MSRA: variants seen among roughly 807,000 people sequenced by gnomAD.
MSRA encodes methionine sulfoxide reductase A.
Under a neutral mutation model 31.3 loss-of-function variants are expected in MSRA, and 54 were observed. The ratio of observed to expected loss-of-function variants is 1.73; its 90% confidence interval spans 1.39 to 2.17. MSRA has a LOEUF of 2.17. Ranked by LOEUF, MSRA falls within the 30% of genes most tolerant of loss-of-function variation. The probability of loss-of-function intolerance (pLI) is 0.00; values close to 1 mark genes in which losing one functional copy is unlikely to be tolerated. For synonymous variants in MSRA, 169 were observed against 116.5 expected (o/e 1.45, Z -2.90); for missense variants, 507 against 300.9 (o/e 1.69, Z -5.07).
chr8:10,252,708 C>T (rs762442568), intron 3 of MSRA, among the ~76,000 whole-genome samples: 2 of 152,174 alleles, frequency 1.3e-5, no homozygotes, highest in African/African-American at 2.4e-5. Flanking sequence ...TTGATTTGTC[C>T]ACGAAGCATG....
intron 2 of MSRA, among the ~76,000 whole-genome samples, chr8:10,217,572 T>G (rs1444191444): frequency 2.0e-5 from 3 of 152,220 alleles, no homozygotes; most frequent in Non-Finnish European, 4.4e-5. Flanking sequence ...CAGAGCTTAG[T>G]ATAATGAAGC....
intron 5 of MSRA, among the ~76,000 whole-genome samples, chr8:10,362,894 CT>C (rs766198564): frequency 3.9e-4 from 59 of 152,184 alleles, no homozygotes; most frequent in Non-Finnish European, 6.8e-4. Context: ...GTTCCTGCCC[CT>C]GCCTCCCTCC....
chr8:10,188,587 G>A (rs1807249508), intron 1 of MSRA, among the ~76,000 whole-genome samples: 2 of 152,190 alleles, frequency 1.3e-5, no homozygotes. Context: ...GTCGTATAAG[G>A]TTTGACGTAA....
intron 1 of MSRA, among the ~76,000 whole-genome samples, chr8:10,125,380 C>G (rs1313651766): frequency 1.3e-5 from 2 of 152,124 alleles, no homozygotes; most frequent in Admixed American, 6.5e-5. Flanking sequence ...AGGCTTGACC[C>G]AAGCCTGGAA....
intron 2 of MSRA, among the ~76,000 whole-genome samples, chr8:10,215,500 G>A (rs1011138678): frequency 2.6e-5 from 4 of 152,192 alleles, no homozygotes; most frequent in African/African-American, 7.2e-5. Context: ...TCAAGTCCCC[G>A]GGAGAGTGAC....
intron 1 of MSRA, among the ~76,000 whole-genome samples, chr8:10,113,849 C>G (rs1014315547): frequency 6.6e-6 from 1 of 151,954 alleles, no homozygotes; most frequent in African/African-American, 2.4e-5. Flanking sequence ...TATAATTATA[C>G]AATTCAGTGG....
chr8:10,291,057 T>A (rs1028016602), intron 3 of MSRA, among the ~76,000 whole-genome samples: 1 of 152,126 alleles, frequency 6.6e-6, no homozygotes, highest in African/African-American at 2.4e-5. Context: ...AACTAGGGAG[T>A]GGCTCACTGC....
chr8:10,152,653 A>T (rs1413212240), intron 1 of MSRA, among the ~76,000 whole-genome samples: 1 of 152,156 alleles, frequency 6.6e-6, no homozygotes, highest in African/African-American at 2.4e-5. Flanking sequence ...TCCCCCAAAA[A>T]ATCATATGAA....
chr8:10,126,337 C>T (rs956468355), intron 1 of MSRA, among the ~76,000 whole-genome samples: 1 of 152,026 alleles, frequency 6.6e-6, no homozygotes. Context: ...ACCTGAAATG[C>T]AAAGGAAGTA....
At chr8:10,242,063 G>A (rs934846694) in intron 2 of MSRA, among the ~76,000 whole-genome samples, 1 of 152,198 alleles carries the variant, frequency 6.6e-6, no homozygotes, top group Non-Finnish European at 1.5e-5. Context: ...CCTGAGGTCA[G>A]GAGTTCGAGA....
At chr8:10,229,969 G>T (rs971501192) in intron 2 of MSRA, among the ~76,000 whole-genome samples, 1 of 152,252 alleles carries the variant, frequency 6.6e-6, no homozygotes, top group Middle Eastern at 3.4e-3. Context: ...CCATAAACTG[G>T]CATTCTTCTT....
At chr8:10,136,938 A>G (rs1487151364) in intron 1 of MSRA, among the ~76,000 whole-genome samples, 2 of 152,214 alleles carry the variant, frequency 1.3e-5, no homozygotes, top group African/African-American at 2.4e-5. Context: ...TAGTCTGTCA[A>G]ACACCTCTCT....
chr8:10,257,196 G>C (rs1239307740), intron 3 of MSRA, among the ~76,000 whole-genome samples: 2 of 152,186 alleles, frequency 1.3e-5, no homozygotes, highest in Middle Eastern at 3.4e-3. Context: ...CGTACAGACA[G>C]AAGCATTCAA....
intron 5 of MSRA, among the ~76,000 whole-genome samples, chr8:10,343,693 AC>A (rs1803588270): frequency 6.6e-6 from 1 of 152,222 alleles, no homozygotes; most frequent in South Asian, 2.1e-4. Flanking sequence ...TGACCTGCAC[AC>A]ACAAGTCAAT....
At chr8:10,147,257 A>C (rs1185930509) in intron 1 of MSRA, among the ~76,000 whole-genome samples, 1 of 152,148 alleles carries the variant, frequency 6.6e-6, no homozygotes, top group Non-Finnish European at 1.5e-5. Flanking sequence ...GTTGGATTCA[A>C]GGAACCGGCG....
intron 5 of MSRA, among the ~76,000 whole-genome samples, chr8:10,342,864 C>T (rs992141508): frequency 1.3e-5 from 2 of 152,236 alleles, no homozygotes; most frequent in African/African-American, 2.4e-5. Flanking sequence ...AATCCCAGCT[C>T]TGCCACTGTG....
intron 5 of MSRA, among the ~76,000 whole-genome samples, chr8:10,321,013 A>G (rs548755586): frequency 6.6e-6 from 1 of 152,326 alleles, no homozygotes; most frequent in South Asian, 2.1e-4. Flanking sequence ...TTGGAGGGAG[A>G]CACGATTCAA....
intron 1 of MSRA, among the ~76,000 whole-genome samples, chr8:10,194,316 C>T (rs957409154): frequency 6.6e-6 from 1 of 152,180 alleles, no homozygotes; most frequent in East Asian, 1.9e-4. Context: ...CCTGTAATCC[C>T]AGCACTTTGG....
chr8:10,077,972 T>C (rs1798078060), intron 1 of MSRA, among the ~76,000 whole-genome samples: 1 of 152,234 alleles, frequency 6.6e-6, no homozygotes, highest in Non-Finnish European at 1.5e-5. Context: ...TTCACTAATA[T>C]TTTCAGTTTT....
Sources: allele counts gnomAD v4.1 joint callset (sites outside exome capture counted in the v4.1 genomes callset), GRCh38; gene constraint gnomAD v4.1.1; transcripts MANE v1.5; gene names NCBI Gene and HGNC (gene_info 2026-07-23, HGNC 2026-07-21).